DTD1: variants seen among roughly 807,000 people sequenced by gnomAD.
DTD1 encodes D-tyrosyl-tRNA deacylase 1 homolog.
In DTD1, 13 loss-of-function variants were observed where a neutral mutation model predicts 25.6. That is an observed-to-expected ratio of 0.51 (90% CI 0.33 to 0.81). The LOEUF (loss-of-function observed/expected upper bound fraction) is 0.81. DTD1 is among the 30% of genes least tolerant of loss of function. The pLI is 0.02. For synonymous variants in DTD1, 110 were observed against 103.6 expected (o/e 1.06, Z -0.37); for missense variants, 193 against 266.4 (o/e 0.72, Z 1.92).
chr20:18,659,730 A>G (rs565674635), intron 4 of DTD1, among the ~76,000 whole-genome samples: 1 of 152,150 alleles, frequency 6.6e-6, no homozygotes, highest in South Asian at 2.1e-4. Flanking sequence ...AGAGAGGGGA[A>G]CTTCACACAC....
intron 4 of DTD1, chr20:18,632,363 A>G (rs1442606585): frequency 4.1e-6 from 4 of 985,426 alleles, no homozygotes; most frequent in Non-Finnish European, 4.8e-6. Context: ...TGAACATTGC[A>G]CTGCGCTCTG....
chr20:18,727,609 C>G (rs1260313103), intron 4 of DTD1, among the ~76,000 whole-genome samples: 1 of 152,096 alleles, frequency 6.6e-6, no homozygotes, highest in African/African-American at 2.4e-5. Flanking sequence ...CAGTTCATGG[C>G]CTGTAGTTCA....
At chr20:18,617,933 T>G (rs2060715772) in intron 3 of DTD1, among the ~76,000 whole-genome samples, 1 of 152,186 alleles carries the variant, frequency 6.6e-6, no homozygotes, top group Non-Finnish European at 1.5e-5. Context: ...TAAACTGCTG[T>G]GTACTGTTCT....
intron 5 of DTD1, among the ~76,000 whole-genome samples, chr20:18,755,097 G>C (rs1381616879): frequency 6.6e-6 from 1 of 152,166 alleles, no homozygotes; most frequent in African/African-American, 2.4e-5. Context: ...TTCCAGTTCT[G>C]TGTTTCTCTA....
chr20:18,596,024 C>G lies in DTD1; in HGVS notation c.153C>G (p.Asn51Lys). 6.2e-7 allele frequency: 1 copy of G among 1,614,120 alleles called. No homozygotes were observed. The highest frequency in any genetic ancestry group is 8.5e-7 in the Non-Finnish European group (1 of 1,180,022). Residue 51 changes from asparagine (N) to lysine (K), a missense_variant, in exon 3 of 6, where the codon AAC becomes AAG. Asn to Lys is a moderately conservative substitution (Grantham distance 94). Transcript: ENST00000377452. ...CCCTTAGGGTCCGAAAGATTCTAAA[C>G]CTGCGTGTATTTGAGGATGAGAGTG... The part of the protein sequence containing the change: ...ELEHMVRKIL[N>K]LRVFEDESGK...
intron 4 of DTD1, among the ~76,000 whole-genome samples, chr20:18,676,425 C>A (rs2060975013): frequency 6.6e-6 from 1 of 152,028 alleles, no homozygotes; most frequent in Non-Finnish European, 1.5e-5. Context: ...TCCTAATTGT[C>A]TAAAGAAATT....
chr20:18,695,634 TC>T (rs1281212047), intron 4 of DTD1, among the ~76,000 whole-genome samples: 5 of 85,498 alleles, frequency 5.8e-5, no homozygotes, highest in African/African-American at 2.4e-4. Context: ...TCTCTCTCTC[TC>T]TCTCCTTCTG....
At chr20:18,716,763 G>C (rs2061182432) in intron 4 of DTD1, among the ~76,000 whole-genome samples, 3 of 152,192 alleles carry the variant, frequency 2.0e-5, no homozygotes, top group Admixed American at 2.0e-4. Context: ...CTTACCTGCT[G>C]CTAGCCTACT....
At chr20:18,615,451 A>AGGGAT (rs1276735850) in intron 3 of DTD1, among the ~76,000 whole-genome samples, 1 of 152,194 alleles carries the variant, frequency 6.6e-6, no homozygotes, top group Non-Finnish European at 1.5e-5. Context: ...TTGTATCCTC[A>AGGGAT]ACAGCCCTTC....
chr20:18,721,161 C>T (rs2061201775), intron 4 of DTD1, among the ~76,000 whole-genome samples: 1 of 152,194 alleles, frequency 6.6e-6, no homozygotes, highest in Non-Finnish European at 1.5e-5. Context: ...ATTTTAGAGA[C>T]AATGCTTCTA....
At chr20:18,740,219 A>G (rs1017960583) in intron 4 of DTD1, among the ~76,000 whole-genome samples, 1 of 150,962 alleles carries the variant, frequency 6.6e-6, no homozygotes, top group Admixed American at 6.6e-5. Flanking sequence ...AGTGAAGAAC[A>G]GGCTGGGTCA....
At chr20:18,707,241 C>T (rs768248723) in intron 4 of DTD1, among the ~76,000 whole-genome samples, 7 of 152,216 alleles carry the variant, frequency 4.6e-5, no homozygotes, top group Non-Finnish European at 8.8e-5. Flanking sequence ...AAATAAAGCA[C>T]ATGATCATCA....
rs1217751627 is a variant in DTD1 at position 18,764,003 on chromosome 20, C to T, written c.*663C>T. The stretch of plus-strand genomic sequence containing the variant: ...CTATGCGTATCTACACTTCTTTTCA[C>T]ATAAGTCTCTCGCAAGAGGGCCTTC... On this transcript the variant is annotated 3_prime_UTR_variant, in exon 6 of 6. Transcript: ENST00000377452. 1 of 152,240 alleles carries T rather than the reference C, an allele frequency of 6.6e-6. No homozygotes were observed. The highest frequency in any genetic ancestry group is 2.4e-5 in the African/African-American group (1 of 41,464). The allele number at this position is 152,240 out of a possible 1,614,324, so 9.4% of individuals were successfully genotyped here.
In DTD1 at chr20:18,593,764, G is replaced by T. The variant is rs1169843049; in HGVS notation, c.77G>T (p.Gly26Val). 1 of 1,614,016 alleles carries T rather than the reference G, an allele frequency of 6.2e-7. No individual in the cohort carries two copies. Among genetic ancestry groups the T allele is most frequent in the Non-Finnish European group, 8.5e-7 (1 of 1,179,912 alleles). Residue 26 changes from glycine (G) to valine (V), a missense_variant, in exon 2 of 6, where the codon GGC becomes GTC. Physicochemically the swap from Gly to Val is moderately radical, Grantham distance 109 (BLOSUM62 -3). Transcript: ENST00000377452. ...GAGCAGATTAGTGCCATTGGAAGGG[G>T]CATATGTGTGTTGCTGGGTATTTCC... Reference protein sequence around the residue: ...GGEQISAIGRGICVLLGISLE... With the variant: ...GGEQISAIGRVICVLLGISLE...
intron 5 of DTD1, among the ~76,000 whole-genome samples, chr20:18,757,280 T>G (rs566966483): frequency 6.6e-6 from 1 of 152,220 alleles, no homozygotes; most frequent in Non-Finnish European, 1.5e-5. Flanking sequence ...TCTTGCCTGA[T>G]TGCCCTGGCC....
intron 3 of DTD1, among the ~76,000 whole-genome samples, chr20:18,619,093 C>T (rs1047179542): frequency 6.6e-6 from 1 of 152,190 alleles, no homozygotes; most frequent in Non-Finnish European, 1.5e-5. Context: ...CGTCTTCCCA[C>T]CTTAGCCTCC....
At chr20:18,659,338 G>A (rs1240258458) in intron 4 of DTD1, among the ~76,000 whole-genome samples, 1 of 152,024 alleles carries the variant, frequency 6.6e-6, no homozygotes. Flanking sequence ...CCTGTGGAAG[G>A]GGACTCTCCC....
intron 4 of DTD1, among the ~76,000 whole-genome samples, chr20:18,729,786 C>T (rs921699910): frequency 6.6e-6 from 1 of 152,240 alleles, no homozygotes; most frequent in Non-Finnish European, 1.5e-5. Context: ...GACTTCCATA[C>T]CCAGGGCCTT....
At chr20:18,595,928 G>T in intron 2 of DTD1, 78 bp from the exon 3 acceptor site, 1 of 1,258,228 alleles carries the variant, frequency 7.9e-7, no homozygotes, top group Non-Finnish European at 1.2e-6. Flanking sequence ...CCGGAAGCTG[G>T]TGACATTTTT....
Sources: gnomAD v4.1 joint callset for allele counts (sites outside exome capture counted in the v4.1 genomes callset) on GRCh38, gnomAD v4.1.1 for gene constraint, MANE v1.5 for transcripts, NCBI Gene and HGNC (gene_info 2026-07-23, HGNC 2026-07-21) for gene names.